The following LUZP2 variants were observed in gnomAD, a reference collection of about 807,000 sequenced individuals.
LUZP2 encodes the protein leucine zipper protein 2.
Under a neutral mutation model 51.6 loss-of-function variants are expected in LUZP2, and 52 were observed. The ratio of observed to expected loss-of-function variants is 1.01; its 90% CI spans 0.81 to 1.27. The LOEUF (loss-of-function observed/expected upper bound fraction) is 1.27, where lower values mean the gene tolerates loss of function less well. Ranked by LOEUF, LUZP2 falls within the 50% of genes most tolerant of loss-of-function variation. The pLI, the probability that LUZP2 is intolerant of heterozygous loss-of-function variation, is 0.00. For synonymous variants in LUZP2, 154 were observed against 137.3 expected (o/e 1.12, Z -0.85); for missense variants, 436 against 395.4 (o/e 1.10, Z -0.87).
At chr11:24,672,270 A>C (rs1856423194) in intron 1 of LUZP2, among the ~76,000 whole-genome samples, 1 of 152,132 alleles carries the variant, frequency 6.6e-6, no homozygotes, top group Admixed American at 6.6e-5. Flanking sequence ...CAGTATTGTA[A>C]AATTAGTCTC....
At chr11:25,069,480 A>G (rs1366812693) in intron 10 of LUZP2, among the ~76,000 whole-genome samples, 1 of 151,896 alleles carries the variant, frequency 6.6e-6, no homozygotes, top group Non-Finnish European at 1.5e-5. Flanking sequence ...TTTATTTTCA[A>G]TTTTCAAACC....
chr11:24,994,279 C>G (rs144737782), intron 9 of LUZP2, among the ~76,000 whole-genome samples: 239 of 150,240 alleles, frequency 1.6e-3, no homozygotes, highest in African/African-American at 5.6e-3. Context: ...ACTCTTACAT[C>G]TAGGCATATG....
chr11:24,569,732 A>G (rs2054102353), intron 1 of LUZP2, among the ~76,000 whole-genome samples: 1 of 151,954 alleles, frequency 6.6e-6, no homozygotes, highest in African/African-American at 2.4e-5. Flanking sequence ...AAAATATTAG[A>G]ATGTAGCTTA....
intron 9 of LUZP2, among the ~76,000 whole-genome samples, chr11:25,018,048 G>GTTTTGTTTTGT (rs1554955735): frequency 7.3e-4 from 12 of 16,352 alleles, no homozygotes; most frequent in Admixed American, 3.2e-3. Flanking sequence ...TTTTTTTTTT[G>GTTTTGTTTTGT]TTTTTTTTTT....
Position 24,945,151 on chromosome 11 carries a change from G to A in LUZP2, c.522+30613G>A, listed in dbSNP as rs547436964. On this transcript the variant is annotated intron_variant, in intron 7 of 11. Transcript: ENST00000336930. Reference sequence around the variant, plus strand: ...TTCTATTTGCCAGTTCCAGAGATTAGCAATATAATTGGATGTCAAAATGCA... The same window carrying A: ...TTCTATTTGCCAGTTCCAGAGATTAACAATATAATTGGATGTCAAAATGCA... Among the ~76,000 whole-genome samples the A allele has an allele frequency of 5.3e-5, 8 of 152,232 alleles. No homozygotes were observed. In the East Asian group the frequency reaches 1.5e-3, roughly 29 times the overall value.
chr11:24,657,380 C>G lies in LUZP2; in HGVS notation c.63-71789C>G, dbSNP rs1565057912. 2.0e-5 allele frequency among the ~76,000 whole-genome samples: 3 copies of G among 151,970 alleles called. 1 individual carries two copies. The South Asian group carries it at 6.2e-4, about 32-fold the overall frequency. On this transcript the variant is annotated intron_variant, in intron 1 of 11. Transcript: ENST00000336930. Reference sequence around the variant, plus strand: ...CGTTTAGAACTAGGATTCAACAAACCTTCATGCTAAAAACTCTCAATAAAT... The same window carrying G: ...CGTTTAGAACTAGGATTCAACAAACGTTCATGCTAAAAACTCTCAATAAAT...
intron 4 of LUZP2, among the ~76,000 whole-genome samples, chr11:24,742,871 A>G (rs1031649187): frequency 2.0e-5 from 3 of 152,102 alleles, no homozygotes; most frequent in Non-Finnish European, 2.9e-5. Context: ...TGATTTTTGT[A>G]TAAGGTGAGA....
rs551537799 is a variant in LUZP2 at position 24,834,744 on chromosome 11, T to C, written c.397-71247T>C. Among the ~76,000 whole-genome samples, 7 of 152,308 alleles carry C rather than the reference T, an allele frequency of 4.6e-5. No homozygotes were observed. In the East Asian group the frequency reaches 1.4e-3, roughly 30 times the overall value. On this transcript the variant is annotated intron_variant, in intron 5 of 11. Transcript: ENST00000336930. ...AAAGCATTCCTATTTCTCTACAGCC[T>C]TGCCAGCATCTATTGTTTTCTGACT...
In LUZP2 at chr11:24,978,997, A is replaced by G. The variant is rs375447594; in HGVS notation, c.597+2332A>G. On this transcript the variant is annotated intron_variant, in intron 8 of 11. Coordinates refer to ENST00000336930, the MANE Select transcript of LUZP2 (RefSeq NM_001009909.4). ...TGGTTAAATAATGGTCTCCAGAGATAGTCTACTTATGTTCAAATCATGACT... is the reference window on the plus strand; with the variant it reads ...TGGTTAAATAATGGTCTCCAGAGATGGTCTACTTATGTTCAAATCATGACT... Among the ~76,000 whole-genome samples the G allele has an allele frequency of 7.2e-5, 11 of 151,882 alleles. No individual in the cohort carries two copies. The East Asian group carries it at 1.6e-3, about 21-fold the overall frequency.
intron 5 of LUZP2, among the ~76,000 whole-genome samples, chr11:24,850,312 G>A (rs957304060): frequency 3.9e-5 from 6 of 152,128 alleles, no homozygotes; most frequent in African/African-American, 1.4e-4. Context: ...AAGGTGTAAG[G>A]AAGGGGCCCA....
chr11:24,689,854 T>G (rs1289206718), intron 1 of LUZP2, among the ~76,000 whole-genome samples: 1 of 152,176 alleles, frequency 6.6e-6, no homozygotes, highest in African/African-American at 2.4e-5. Context: ...TTTTAAATAT[T>G]TCTCTCTGTA....
intron 9 of LUZP2, among the ~76,000 whole-genome samples, chr11:25,041,006 A>G (rs1345124348): frequency 6.6e-6 from 1 of 152,142 alleles, no homozygotes; most frequent in Non-Finnish European, 1.5e-5. Context: ...TCTAGTGGCT[A>G]CAGGCTATGT....
chr11:25,032,430 A>G (rs1369818797), intron 9 of LUZP2, among the ~76,000 whole-genome samples: 2 of 152,164 alleles, frequency 1.3e-5, no homozygotes, highest in Non-Finnish European at 2.9e-5. Flanking sequence ...GGGGATTCTA[A>G]TACACCCTTA....
intron 5 of LUZP2, among the ~76,000 whole-genome samples, chr11:24,765,697 G>A (rs1054638206): frequency 1.4e-4 from 21 of 145,550 alleles, no homozygotes; most frequent in African/African-American, 4.8e-4. Context: ...GCTTGATCTC[G>A]GCTCACTGCA....
At chr11:24,960,835 T>A (rs1268383985) in intron 7 of LUZP2, among the ~76,000 whole-genome samples, 1 of 152,176 alleles carries the variant, frequency 6.6e-6, no homozygotes, top group African/African-American at 2.4e-5. Flanking sequence ...TTAATTGTGA[T>A]GTTAGGGTGT....
At chr11:24,675,339 C>T (rs909663801) in intron 1 of LUZP2, among the ~76,000 whole-genome samples, 1 of 152,136 alleles carries the variant, frequency 6.6e-6, no homozygotes, top group African/African-American at 2.4e-5. Flanking sequence ...AGAAAAATCT[C>T]AATTTCCTTG....
intron 9 of LUZP2, among the ~76,000 whole-genome samples, chr11:25,048,158 G>A (rs1247470251): frequency 6.6e-6 from 1 of 152,076 alleles, no homozygotes; most frequent in Non-Finnish European, 1.5e-5. Flanking sequence ...TCAATTTTGG[G>A]ATCTCCTCTC....
chr11:25,042,742 GCTGT>G (rs1858110063), intron 9 of LUZP2, among the ~76,000 whole-genome samples: 2 of 152,104 alleles, frequency 1.3e-5, no homozygotes, highest in African/African-American at 4.8e-5. Flanking sequence ...TGGGCTTGTG[GCTGT>G]CTATATCTGC....
intron 9 of LUZP2, among the ~76,000 whole-genome samples, chr11:25,026,080 G>A (rs1429320624): frequency 6.7e-6 from 1 of 149,646 alleles, no homozygotes; most frequent in Admixed American, 6.7e-5. Flanking sequence ...CTCATAGGTG[G>A]GAATTGAAGA....
Sources: gnomAD v4.1 joint callset for allele counts (sites outside exome capture counted in the v4.1 genomes callset) on GRCh38, gnomAD v4.1.1 for gene constraint, MANE v1.5 for transcripts, NCBI Gene and HGNC (gene_info 2026-07-23, HGNC 2026-07-21) for gene names.